SMTNL2: variants seen among roughly 807,000 people sequenced by gnomAD.
SMTNL2 encodes smoothelin-like protein 2.
Under a neutral mutation model 44.1 loss-of-function variants are expected in SMTNL2, and 43 were observed. That is an observed-to-expected ratio of 0.98 (90% CI 0.76 to 1.26). The LOEUF is 1.26. Among genes scored for constraint, SMTNL2 ranks in the 50% most tolerant of loss-of-function variants. The pLI is 0.00. For missense variants in SMTNL2, 646 were observed against 670.2 expected, an observed-to-expected ratio of 0.96 and a Z score of 0.40; for synonymous variants, 317 against 287.6, an observed-to-expected ratio of 1.10 and a Z score of -1.03.
intron 7 of SMTNL2, among the ~76,000 whole-genome samples, chr17:4,605,003 C>G (rs1269696897): frequency 6.6e-6 from 1 of 151,806 alleles, no homozygotes; most frequent in Non-Finnish European, 1.5e-5. Flanking sequence ...GAAATGGGCA[C>G]AGAACAGTGA....
At chr17:4,591,979 C>G (rs866635988) in intron 1 of SMTNL2, among the ~76,000 whole-genome samples, 4 of 152,250 alleles carry the variant, frequency 2.6e-5, no homozygotes, top group Admixed American at 2.0e-4. Flanking sequence ...GCACGGGTAG[C>G]CATGCCGACC....
At chr17:4,590,535 C>T (rs369689499) in intron 1 of SMTNL2, among the ~76,000 whole-genome samples, 2 of 152,168 alleles carry the variant, frequency 1.3e-5, no homozygotes, top group African/African-American at 2.4e-5. Context: ...ACCTCCTCAG[C>T]TCCCTGATGC....
chr17:4,593,879 C>A lies in SMTNL2; in HGVS notation c.788C>A (p.Ala263Glu). 1 of 1,614,058 alleles carries A rather than the reference C, an allele frequency of 6.2e-7. No homozygotes were observed. The highest frequency in any genetic ancestry group is 8.5e-7 in the Non-Finnish European group (1 of 1,179,994). Residue 263 changes from alanine (A) to glutamate (E), a missense_variant, in exon 4 of 8, where the codon GCA (alanine) becomes GAA (glutamate). Physicochemically the swap from Ala to Glu is moderately radical, Grantham distance 107. Coordinates refer to ENST00000389313, the MANE Select transcript of SMTNL2 (RefSeq NM_001114974.2). ...AGCTCTGGCTATGGGGCAGTGACAG[C>A]AAGCAAACACAGCAATAGGTGAGTC... ...VPSSGYGAVT[A>E]SKHSNSPPLV... is the part of the protein sequence containing the mutation.
chr17:4,604,450 G>A (rs564841073), intron 7 of SMTNL2, among the ~76,000 whole-genome samples: 7 of 152,304 alleles, frequency 4.6e-5, no homozygotes, highest in East Asian at 3.9e-4. Flanking sequence ...CAGGGCCTGC[G>A]GGTAATGTTA....
intron 1 of SMTNL2, among the ~76,000 whole-genome samples, chr17:4,588,578 C>A (rs559459252): frequency 1.3e-5 from 2 of 152,338 alleles, no homozygotes; most frequent in South Asian, 4.1e-4. Context: ...CAGTAACCCA[C>A]TGGGGACTCT....
In SMTNL2 at chr17:4,595,192, C is replaced by T. The variant is rs746173374; in HGVS notation, c.854C>T (p.Pro285Leu). Residue 285 changes from proline (P) to leucine (L), a missense_variant, in exon 5 of 8, where the codon CCA becomes CTA. Physicochemically the swap from Pro to Leu is moderately conservative, Grantham distance 98. Transcript: ENST00000389313. The surrounding 1 kb of genome is among the most constrained non-coding windows in gnomAD (Gnocchi z 5.1). The stretch of plus-strand genomic sequence containing the variant: ...CAGTCGCCCGTGTCCCCGCAGCCGC[C>T]AGCCATAACTCAGGTCCATCGGCAG... ...PPQSPVSPQPPAITQVHRQGE... is the reference protein window; with the variant it reads ...PPQSPVSPQPLAITQVHRQGE... The T allele has an allele frequency of 7.4e-6, 12 of 1,613,494 alleles. No individual in the cohort carries two copies. Among genetic ancestry groups the T allele is most frequent in the Middle Eastern group, 1.6e-4 (1 of 6,062 alleles).
At chr17:4,585,063 G>A in intron 1 of SMTNL2, 59 bp downstream of exon 1, 24 of 1,276,422 alleles carry the variant, frequency 1.9e-5, no homozygotes, top group Non-Finnish European at 2.3e-5. Flanking sequence ...ACCGGGTGCC[G>A]CCCCTTCGCC....
At chr17:4,597,416 C>A in intron 7 of SMTNL2, 93 bp downstream of exon 7, 1 of 1,534,134 alleles carries the variant, frequency 6.5e-7, no homozygotes. Context: ...AGTGGGATGT[C>A]GGGCCGCTGT....
rs984371953 is a variant in SMTNL2, at chr17:4,607,646, G to C, written c.*159G>C. 5.8e-6 allele frequency: 7 copies of C among 1,207,176 alleles called. No individual in the cohort carries two copies. The highest frequency in any genetic ancestry group is 6.8e-6 in the Non-Finnish European group (6 of 879,640). 74.8% of individuals were successfully genotyped at this position (1,207,176 alleles called of 1,614,324 possible). ...GGCACTCCCCTTCGAGCCCAGCTGT[G>C]TTACTGATTAAAAGTACTGCTGAGC... On this transcript the variant is annotated 3_prime_UTR_variant, in exon 8 of 8. Coordinates refer to ENST00000389313, the MANE Select transcript of SMTNL2 (RefSeq NM_001114974.2). This position sits in a 1 kb window ranked among gnomAD's most constrained non-coding sequence, Gnocchi z 4.7.
intron 7 of SMTNL2, among the ~76,000 whole-genome samples, chr17:4,599,358 C>T (rs921013584): frequency 6.6e-6 from 1 of 152,098 alleles, no homozygotes; most frequent in Non-Finnish European, 1.5e-5. Flanking sequence ...GTGCAGGGAG[C>T]GGGCAGCTCA....
chr17:4,586,512 AAGAGAGAGAGAG>A (rs10565578), intron 1 of SMTNL2, among the ~76,000 whole-genome samples: 3 of 149,880 alleles, frequency 2.0e-5, no homozygotes, highest in Admixed American at 6.6e-5. Context: ...TGTACACACA[AAGAGAGAGAGAG>A]AGAGAGAGAG....
At chr17:4,601,994 T>C (rs1464231738) in intron 7 of SMTNL2, among the ~76,000 whole-genome samples, 1 of 152,186 alleles carries the variant, frequency 6.6e-6, no homozygotes, top group Non-Finnish European at 1.5e-5. Context: ...GTCCAGCCTA[T>C]GTCTGCAGCT....
rs1227547554 is a variant in SMTNL2 at position 4,598,562 on chromosome 17, A to T, written c.1259+1239A>T. On this transcript the variant is annotated intron_variant, in intron 7 of 7. Coordinates refer to ENST00000389313, the MANE Select transcript of SMTNL2 (RefSeq NM_001114974.2). The surrounding 1 kb of genome is among the most constrained non-coding windows in gnomAD (Gnocchi z 4.8). ...TCCTTGGCCGGGCACGGTGGCTCCC[A>T]CCTGTAATCCTAGCACTTTGGGAGG... is the stretch of plus-strand genomic sequence containing the variant. 6.6e-6 allele frequency among the ~76,000 whole-genome samples: 1 copy of T among 152,044 alleles called. No homozygotes were observed. Among genetic ancestry groups the T allele is most frequent in the Non-Finnish European group, 1.5e-5 (1 of 67,992 alleles).
upstream of SMTNL2, chr17:4,584,484 C>A (rs962166248): frequency 3.6e-6 from 4 of 1,126,608 alleles, no homozygotes; most frequent in East Asian, 7.0e-5. Context: ...CGCCCCGCGC[C>A]CGCCTCCCCG....
In SMTNL2 at chr17:4,584,711, CG is replaced by C; in HGVS notation, c.111del (p.Leu38CysfsTer40). The stretch of plus-strand genomic sequence containing the variant: ...GGTGCGCGCGCTGCACGAGGACATG[CG>C]GGGGCTGCAGCGCGGCGTGGAGCGG... ...GAVRALHEDM[R>X]GLQRGVERRV... On this transcript the variant is annotated frameshift_variant, in exon 1 of 8. Coordinates refer to ENST00000389313, the MANE Select transcript of SMTNL2 (RefSeq NM_001114974.2). LOFTEE classifies it high-confidence loss of function. The C allele has an allele frequency of 1.5e-6, 2 of 1,300,412 alleles. No individual in the cohort carries two copies. The highest frequency in any genetic ancestry group is 1.9e-6 in the Non-Finnish European group (2 of 1,028,452). The allele number at this position is 1,300,412 out of a possible 1,614,324, so 80.6% of individuals were successfully genotyped here. A position where few individuals can be genotyped will look rare whatever the true frequency, so the allele number is the denominator to read the frequency against.
chr17:4,590,510 C>T (rs1909529282), intron 1 of SMTNL2, among the ~76,000 whole-genome samples: 1 of 152,138 alleles, frequency 6.6e-6, no homozygotes, highest in South Asian at 2.1e-4. Context: ...AAACTCCAGA[C>T]TCAAAAATCC....
chr17:4,601,983 T>C (rs1186208367), intron 7 of SMTNL2, among the ~76,000 whole-genome samples: 1 of 152,196 alleles, frequency 6.6e-6, no homozygotes, highest in Non-Finnish European at 1.5e-5. Context: ...TCCCGAGTTT[T>C]GTCCAGCCTA....
Position 4,592,515 on chromosome 17 carries a change from A to G in SMTNL2, c.487+67A>G. 1 of 1,483,526 alleles carries G rather than the reference A, an allele frequency of 6.7e-7. No homozygotes were observed. The highest frequency in any genetic ancestry group is 9.2e-7 in the Non-Finnish European group (1 of 1,085,674). The allele number at this position is 1,483,526 out of a possible 1,614,324, so 91.9% of individuals were successfully genotyped here. A position where few individuals can be genotyped will look rare whatever the true frequency, so the allele number is the denominator to read the frequency against. ...GGGTTAAGTAAGGCCTTGGTCAGGT[A>G]TCTGTGCCAGGCTGGCCCTTGGCCT... is the stretch of plus-strand genomic sequence containing the variant. On this transcript the variant is annotated intron_variant, in intron 2 of 7. Transcript: ENST00000389313. The surrounding 1 kb of genome is among the most constrained non-coding windows in gnomAD (Gnocchi z 4.5).
chr17:4,591,896 C>A (rs1211909653), intron 1 of SMTNL2, among the ~76,000 whole-genome samples: 3 of 152,260 alleles, frequency 2.0e-5, no homozygotes, highest in Non-Finnish European at 2.9e-5. Flanking sequence ...ATGCAAAGAT[C>A]TCATCGTGAT....
Sources: allele counts gnomAD v4.1 joint callset (sites outside exome capture counted in the v4.1 genomes callset), GRCh38; gene constraint gnomAD v4.1.1; non-coding constraint Gnocchi (gnomAD v3.1); transcripts MANE v1.5; gene names NCBI Gene and HGNC (gene_info 2026-07-23, HGNC 2026-07-21).